EPHA5: variants seen among roughly 807,000 people sequenced by gnomAD.
EPHA5 encodes EPH receptor A5, also known as ephrin type-A receptor 5.
EPHA5 carries 60 observed loss-of-function variants against 105.0 expected under a neutral mutation model. That is an observed-to-expected ratio of 0.57 (90% CI 0.46 to 0.71). EPHA5 has a LOEUF of 0.71. Among genes scored for constraint, EPHA5 ranks in the 30% least tolerant of loss-of-function variants. The pLI is 0.00. For synonymous variants in EPHA5, 513 were observed against 449.1 expected, an observed-to-expected ratio of 1.14 and a Z score of -1.80; for missense variants, 1,218 against 1,274.7, an observed-to-expected ratio of 0.96 and a Z score of 0.68.
chr4:65,617,278 A>G (rs1490479266), intron 2 of EPHA5, among the ~76,000 whole-genome samples: 3 of 152,086 alleles, frequency 2.0e-5, no homozygotes, highest in Admixed American at 6.6e-5. Context: ...ACACATTTGT[A>G]TCCCCCAATG....
At chr4:65,583,339 C>G (rs1293489195) in intron 3 of EPHA5, among the ~76,000 whole-genome samples, 1 of 151,578 alleles carries the variant, frequency 6.6e-6, no homozygotes, top group Non-Finnish European at 1.5e-5. Context: ...CTAAAATAAG[C>G]AATAACAATC....
chr4:65,600,098 A>C (rs1743572048), intron 3 of EPHA5, among the ~76,000 whole-genome samples: 1 of 152,146 alleles, frequency 6.6e-6, no homozygotes, highest in Non-Finnish European at 1.5e-5. Flanking sequence ...AGAAATAATT[A>C]ATAAGATTTA....
At chr4:65,615,383 A>T (rs933715013) in intron 2 of EPHA5, among the ~76,000 whole-genome samples, 7 of 151,896 alleles carry the variant, frequency 4.6e-5, no homozygotes, top group Non-Finnish European at 1.0e-4. Flanking sequence ...ATTTTTGAAA[A>T]TTTTGAAAGC....
chr4:65,469,105 T>C (rs1729043917), intron 5 of EPHA5, among the ~76,000 whole-genome samples: 1 of 152,068 alleles, frequency 6.6e-6, no homozygotes. Flanking sequence ...GGTATGCATA[T>C]GTGAAGTCTG....
At chr4:65,398,946 AG>A (rs1319666650) in intron 8 of EPHA5, among the ~76,000 whole-genome samples, 1 of 152,210 alleles carries the variant, frequency 6.6e-6, no homozygotes, top group Non-Finnish European at 1.5e-5. Context: ...GCATGAGATA[AG>A]AACTTCTGAC....
intron 5 of EPHA5, among the ~76,000 whole-genome samples, chr4:65,464,380 A>G (rs1247386648): frequency 6.6e-6 from 1 of 152,094 alleles, no homozygotes; most frequent in East Asian, 1.9e-4. Flanking sequence ...TACTTGGCTC[A>G]GGAGATTGAT....
intron 14 of EPHA5, among the ~76,000 whole-genome samples, chr4:65,339,128 T>C (rs1385220357): frequency 6.6e-6 from 1 of 152,160 alleles, no homozygotes; most frequent in African/African-American, 2.4e-5. Context: ...ACTGCCTCTC[T>C]TTCCAATTCC....
chr4:65,605,715 G>GA (rs550264215), intron 2 of EPHA5, among the ~76,000 whole-genome samples: 107 of 148,166 alleles, frequency 7.2e-4, no homozygotes, highest in East Asian at 3.2e-3. Flanking sequence ...GTAGACATCT[G>GA]AAAAAAAAAA....
intron 1 of EPHA5, among the ~76,000 whole-genome samples, chr4:65,667,008 G>A (rs1480906841): frequency 6.6e-6 from 1 of 151,936 alleles, no homozygotes; most frequent in Admixed American, 6.6e-5. Context: ...ACAGTCTTTG[G>A]GAAATCACTA....
intron 2 of EPHA5, among the ~76,000 whole-genome samples, chr4:65,638,084 CAT>C (rs1209555351): frequency 1.8e-4 from 27 of 152,212 alleles, no homozygotes; most frequent in Admixed American, 3.3e-4. Flanking sequence ...AAGAAATAAA[CAT>C]ATCCATTCTT....
chr4:65,368,182 A>G (rs935488057), intron 8 of EPHA5, among the ~76,000 whole-genome samples: 1 of 152,068 alleles, frequency 6.6e-6, no homozygotes, highest in Non-Finnish European at 1.5e-5. Context: ...ACATTGATGT[A>G]TGGACATTTT....
intron 2 of EPHA5, among the ~76,000 whole-genome samples, chr4:65,640,610 A>G (rs1747579705): frequency 6.6e-6 from 1 of 152,152 alleles, no homozygotes; most frequent in Non-Finnish European, 1.5e-5. Context: ...ATTAGCTTAC[A>G]TACCAGGTAT....
intron 5 of EPHA5, among the ~76,000 whole-genome samples, chr4:65,439,892 A>T (rs1188577716): frequency 6.6e-6 from 1 of 152,148 alleles, no homozygotes; most frequent in Non-Finnish European, 1.5e-5. Context: ...AAAGCAAAAA[A>T]AAATTTGTTT....
chr4:65,570,710 T>C (rs189291969), intron 3 of EPHA5, among the ~76,000 whole-genome samples: 14 of 152,046 alleles, frequency 9.2e-5, no homozygotes, highest in African/African-American at 3.1e-4. Context: ...TGAAAAAAAA[T>C]CGTAGTATTC....
At chr4:65,604,916 T>G (rs1011677467) in intron 2 of EPHA5, among the ~76,000 whole-genome samples, 1 of 152,198 alleles carries the variant, frequency 6.6e-6, no homozygotes, top group Non-Finnish European at 1.5e-5. Context: ...CTTCATGATT[T>G]AATAAAAATA....
At chr4:65,627,111 C>T (rs1746225472) in intron 2 of EPHA5, among the ~76,000 whole-genome samples, 1 of 152,172 alleles carries the variant, frequency 6.6e-6, no homozygotes, top group Admixed American at 6.6e-5. Context: ...TATAGAAAAG[C>T]AATTCTTAGG....
At chr4:65,585,571 C>A (rs1408884616) in intron 3 of EPHA5, among the ~76,000 whole-genome samples, 1 of 151,448 alleles carries the variant, frequency 6.6e-6, no homozygotes, top group Non-Finnish European at 1.5e-5. Context: ...TGGCAGGATA[C>A]AAATAAAACA....
chr4:65,589,696 T>C (rs1397739856), intron 3 of EPHA5, among the ~76,000 whole-genome samples: 1 of 152,080 alleles, frequency 6.6e-6, no homozygotes, highest in Non-Finnish European at 1.5e-5. Flanking sequence ...AAATAAATAA[T>C]ACAGGTCAGT....
intron 7 of EPHA5, among the ~76,000 whole-genome samples, chr4:65,412,891 TG>T (rs1182596140): frequency 1.3e-5 from 2 of 152,158 alleles, no homozygotes; most frequent in Non-Finnish European, 2.9e-5. Context: ...AATTTACAGT[TG>T]TTTTTTTAAA....
Sources: gnomAD v4.1 joint callset for allele counts (sites outside exome capture counted in the v4.1 genomes callset) on GRCh38, gnomAD v4.1.1 for gene constraint, MANE v1.5 for transcripts, NCBI Gene and HGNC (gene_info 2026-07-23, HGNC 2026-07-21) for gene names.